SEC31B: variants seen among roughly 807,000 people sequenced by gnomAD.
SEC31B encodes protein transport protein Sec31B.
Under a neutral mutation model 135.0 loss-of-function variants are expected in SEC31B, and 113 were observed. The ratio of observed to expected loss-of-function variants is 0.84; its 90% CI spans 0.72 to 0.98. The LOEUF is 0.98. SEC31B is among the 50% of genes least tolerant of loss of function. The pLI is 0.00. For missense variants in SEC31B, 1,296 were observed against 1,421.1 expected, an observed-to-expected ratio of 0.91 and a Z score of 1.42; for synonymous variants, 508 against 549.4, an observed-to-expected ratio of 0.92 and a Z score of 1.05.
At position 100,507,372 on chromosome 10, in the gene SEC31B, C is replaced by T. The variant is rs542202154; in HGVS notation, c.782+53G>A. 50 of 1,611,154 alleles carry T rather than the reference C, an allele frequency of 3.1e-5. No homozygotes were observed. The African/African-American group carries it at 3.5e-4, about 11-fold the overall frequency. Reference sequence around the variant, plus strand: ...GAGGGATACATTGCCTCCTACCCAGCCCAGTTATATCCACCATCCCCCCAA... The same window carrying T: ...GAGGGATACATTGCCTCCTACCCAGTCCAGTTATATCCACCATCCCCCCAA... On this transcript the variant is annotated intron_variant, in intron 7 of 25. Transcript: ENST00000370345.
At position 100,487,524 on chromosome 10, in the gene SEC31B, AAGAAAC is replaced by A. The variant is rs1851202799; in HGVS notation, c.*86_*91del. ...GGCAGCAAGGAAAAGAGTCGGGAAA[AAGAAAC>A]AGAATCTGTTGCAGAAGTCCCCTCT... On this transcript the variant is annotated 3_prime_UTR_variant, in exon 26 of 26. Transcript: ENST00000370345. The A allele has an allele frequency of 8.0e-7, 1 of 1,243,758 alleles. No individual in the cohort carries two copies. The highest frequency in any genetic ancestry group is 1.1e-6 in the Non-Finnish European group (1 of 892,172). 77.0% of individuals were successfully genotyped at this position (1,243,758 alleles called of 1,614,324 possible).
At position 100,495,458 on chromosome 10, in the gene SEC31B, C is replaced by T. The variant is rs374215941; in HGVS notation, c.2399G>A (p.Arg800Gln). The change falls in exon 19 of 26, where the codon CGG becomes CAG. Residue 800 changes from arginine (R) to glutamine (Q), a missense_variant. Coordinates refer to ENST00000370345, the MANE Select transcript of SEC31B (RefSeq NM_015490.4). ...GQQSPPFPFP[R>Q]IVVGATLHSK... ...GTGGAGGGTAGCTCCCACAACAATC[C>T]GGGGGAAGGGGAAAGGGGGAGACTG... 3.3e-5 allele frequency: 54 copies of T among 1,613,650 alleles called. No individual in the cohort carries two copies. Among genetic ancestry groups the T allele is most frequent in the South Asian group, 6.6e-5 (6 of 91,032 alleles).
intron 17 of SEC31B, 23 bp from the exon 18 acceptor site, chr10:100,496,454 G>A: frequency 1.2e-6 from 2 of 1,612,844 alleles, no homozygotes; most frequent in Non-Finnish European, 1.7e-6. Context: ...GGATGAGGGT[G>A]GTAAGCCTTC....
intron 11 of SEC31B, among the ~76,000 whole-genome samples, chr10:100,500,536 G>GA (rs971806948): frequency 1.3e-5 from 2 of 151,966 alleles, no homozygotes; most frequent in East Asian, 3.9e-4. Flanking sequence ...GGCTGGTCTC[G>GA]AACTCCTGAC....
rs938558351 is a variant in SEC31B, at chr10:100,497,989, G to C, written c.1863+40C>G. 7 of 1,610,560 alleles carry C rather than the reference G, an allele frequency of 4.3e-6. No individual in the cohort carries two copies. The Admixed American group carries it at 1.2e-4, about 27-fold the overall frequency. On this transcript the variant is annotated intron_variant, in intron 15 of 25. Coordinates refer to ENST00000370345, the MANE Select transcript of SEC31B (RefSeq NM_015490.4). ...TGGGTATCCACCTCACAAGGTCCAA[G>C]TAATCCCCTCCCTTCTTCTCCTGCA...
Position 100,516,728 on chromosome 10 carries a change from C to G in SEC31B, c.79+146G>C, listed in dbSNP as rs1851857600. 6 of 512,830 alleles carry G rather than the reference C, an allele frequency of 1.2e-5. No individual in the cohort carries two copies. In the East Asian group the frequency reaches 2.0e-4, roughly 18 times the overall value. 31.8% of individuals were successfully genotyped at this position (512,830 alleles called of 1,614,324 possible). A position where few individuals can be genotyped will look rare whatever the true frequency, so the allele number is the denominator to read the frequency against. On this transcript the variant is annotated intron_variant, in intron 2 of 25. Transcript: ENST00000370345. ...GGCAGCCCTCAGGTACCCAAAACACCTAATATCTCCTTGCTTATGCTGTGA... is the reference window on the plus strand; with the variant it reads ...GGCAGCCCTCAGGTACCCAAAACACGTAATATCTCCTTGCTTATGCTGTGA...
chr10:100,487,647 A>G lies in SEC31B; in HGVS notation c.3509T>C (p.Val1170Ala), dbSNP rs764343707. 6.2e-7 allele frequency: 1 copy of G among 1,613,546 alleles called. No individual in the cohort carries two copies. The highest frequency in any genetic ancestry group is 8.5e-7 in the Non-Finnish European group (1 of 1,179,784). ...VSSFMPILKA[V>A]LIIAHKLLV ...CAGCAGCTTATGAGCGATGATGAGG[A>G]CAGCCTTCAGGATAGGCATGAAGCT... is the stretch of plus-strand genomic sequence containing the variant. The change falls in exon 26 of 26, where the codon GTC (valine) becomes GCC (alanine). Residue 1170 changes from valine (V) to alanine (A), a missense_variant. Transcript: ENST00000370345.
intron 22 of SEC31B, 85 bp from the exon 23 acceptor site, chr10:100,489,483 C>T: frequency 6.6e-7 from 1 of 1,515,606 alleles, no homozygotes; most frequent in East Asian, 2.3e-5. Flanking sequence ...TGACAGTGAA[C>T]AAGGAGACAG....
At chr10:100,513,818 T>C (rs2133697950) in intron 3 of SEC31B, among the ~76,000 whole-genome samples, 1 of 152,230 alleles carries the variant, frequency 6.6e-6, no homozygotes. Context: ...CAAATATTTA[T>C]TAAATACAAA....
chr10:100,496,775 G>A (rs1219361913), intron 17 of SEC31B, among the ~76,000 whole-genome samples: 1 of 152,172 alleles, frequency 6.6e-6, no homozygotes, highest in African/African-American at 2.4e-5. Context: ...GTCTCTCCAT[G>A]AGTCTGTGAC....
At chr10:100,503,289 G>T (rs1399497248) in intron 10 of SEC31B, among the ~76,000 whole-genome samples, 2 of 152,076 alleles carry the variant, frequency 1.3e-5, no homozygotes, top group Non-Finnish European at 2.9e-5. Flanking sequence ...CTCAACATTG[G>T]CTGCATATTA....
In SEC31B at chr10:100,496,407, G is replaced by A. The variant is rs141782484; in HGVS notation, c.2161C>T (p.Leu721Phe). The change falls in exon 18 of 26, where the codon CTT becomes TTT. Residue 721 changes from leucine (L) to phenylalanine (F), a missense_variant. Coordinates refer to ENST00000370345, the MANE Select transcript of SEC31B (RefSeq NM_015490.4). ...LQDLMEKVMV[L>F]NRSLEQLRGP... Reference sequence around the variant, plus strand: ...CGCAGTTGCTCCAAGCTCCTGTTAAGAACCATCACCTTCTCCATCAGGTCC... The same window carrying A: ...CGCAGTTGCTCCAAGCTCCTGTTAAAAACCATCACCTTCTCCATCAGGTCC... 4.3e-6 allele frequency: 7 copies of A among 1,614,010 alleles called. No homozygotes were observed. The highest frequency in any genetic ancestry group is 1.3e-5 in the African/African-American group (1 of 74,924).
chr10:100,488,488 T>C (rs1851232817), intron 24 of SEC31B, among the ~76,000 whole-genome samples: 1 of 147,830 alleles, frequency 6.8e-6, no homozygotes, highest in Non-Finnish European at 1.5e-5. Context: ...AATCACAGCA[T>C]ATTAGAGCTA....
chr10:100,487,463 G>T lies in SEC31B; in HGVS notation c.*153C>A. 1.4e-6 allele frequency: 1 copy of T among 703,626 alleles called. No homozygotes were observed. The allele number at this position is 703,626 out of a possible 1,614,324, so 43.6% of individuals were successfully genotyped here. A position where few individuals can be genotyped will look rare whatever the true frequency, so the allele number is the denominator to read the frequency against. ...TAAAGGAGTAAAAAGCAGGCACTCA[G>T]CTGGTTTGGAGCCAAGCCTACAGCA... On this transcript the variant is annotated 3_prime_UTR_variant, in exon 26 of 26. Transcript: ENST00000370345.
rs41290542 is a variant in SEC31B at position 100,499,234 on chromosome 10, C to A, written c.1510G>T (p.Val504Leu). 6.2e-7 allele frequency: 1 copy of A among 1,613,246 alleles called. No homozygotes were observed. Among genetic ancestry groups the A allele is most frequent in the Non-Finnish European group, 8.5e-7 (1 of 1,179,638 alleles). The change falls in exon 13 of 26, where the codon GTG becomes TTG. Residue 504 changes from valine (V) to leucine (L), a missense_variant. Transcript: ENST00000370345. ...GGCTGAGGACTCTCACCTAGCCCCA[C>A]GTCACTCTTCAACCATGTGGCCACC... is the stretch of plus-strand genomic sequence containing the variant. ...KKVATWLKSDVGLGESPQPKG... is the reference protein window; with the variant it reads ...KKVATWLKSDLGLGESPQPKG...
At position 100,490,887 on chromosome 10, in the gene SEC31B, T is replaced by C. The variant is rs745520485; in HGVS notation, c.2473-4A>G. 4.2e-6 allele frequency: 6 copies of C among 1,424,106 alleles called. No individual in the cohort carries two copies. Among genetic ancestry groups the C allele is most frequent in the South Asian group, 3.5e-5 (2 of 56,916 alleles). The allele number at this position is 1,424,106 out of a possible 1,614,324, so 88.2% of individuals were successfully genotyped here. ...GCCTTGGAGATGGAGTTGGGACCTA[T>C]GAAGAGAAAAAAACATCAGCTCTTG... On this transcript the variant is annotated splice_polypyrimidine_tract_variant and splice_region_variant and intron_variant, in intron 19 of 25. Coordinates refer to ENST00000370345, the MANE Select transcript of SEC31B (RefSeq NM_015490.4).
intron 19 of SEC31B, chr10:100,495,106 G>A (rs1384143341): frequency 3.7e-5 from 14 of 381,246 alleles, no homozygotes; most frequent in South Asian, 9.0e-5. Flanking sequence ...GATTACAGGC[G>A]TGAGCCACCA....
chr10:100,505,283 C>G (rs1381648347), intron 10 of SEC31B, 78 bp downstream of exon 10: 2 of 1,553,554 alleles, frequency 1.3e-6, no homozygotes, highest in African/African-American at 2.8e-5. Context: ...ATGCTGGGCA[C>G]ATGGTAGGCT....
At chr10:100,515,914 A>AG (rs3833721) in intron 3 of SEC31B, among the ~76,000 whole-genome samples, 182 bp downstream of exon 3, 28,652 of 149,038 alleles carry the variant, frequency 0.19, 2,806 homozygotes, top group South Asian at 0.22. Context: ...CTGACTGGAA[A>AG]GGGGGGGGGT....
Sources: allele counts gnomAD v4.1 joint callset (sites outside exome capture counted in the v4.1 genomes callset), GRCh38; gene constraint gnomAD v4.1.1; transcripts MANE v1.5; gene names NCBI Gene and HGNC (gene_info 2026-07-23, HGNC 2026-07-21).